Variants in AGO1 observed in about 807,000 individuals in gnomAD.
AGO1 encodes protein argonaute-1.
In AGO1, 11 loss-of-function variants were observed where a neutral mutation model predicts 109.2. The observed-to-expected ratio is 0.10, with a 90% CI of 0.06 to 0.17. The LOEUF (loss-of-function observed/expected upper bound fraction) is 0.17. Ranked by LOEUF, AGO1 falls within the 10% of genes least tolerant of loss-of-function variation. The probability of loss-of-function intolerance (pLI) is 1.00; values close to 1 mark genes in which losing one functional copy is unlikely to be tolerated. For missense variants in AGO1, 574 were observed against 1,140.3 expected (o/e 0.50, Z 7.15); for synonymous variants, 422 against 418.6 (o/e 1.01, Z -0.10).
intron 8 of AGO1, among the ~76,000 whole-genome samples, chr1:35,900,915 T>A (rs72902972): frequency 0.16 from 23,874 of 150,680 alleles, 4,393 homozygotes; most frequent in East Asian, 0.69. Flanking sequence ...CTCAAAAAAA[T>A]AAATAAATAA....
Position 35,894,151 on chromosome 1 carries a change from G to C in AGO1, c.764G>C (p.Arg255Pro). ...CCCCTCACGGACTCTCAGCGCGTTC[G>C]CTTCACCAAGGAGATCAAGGGTGAG... ...PKPLTDSQRV[R>P]FTKEIKGLKV... Residue 255 changes from arginine (R) to proline (P), a missense_variant, in exon 6 of 19, where the codon CGC becomes CCC. Transcript: ENST00000373204. The C allele has an allele frequency of 6.3e-7, 1 of 1,576,648 alleles. No individual in the cohort carries two copies. Among genetic ancestry groups the C allele is most frequent in the Non-Finnish European group, 8.6e-7 (1 of 1,161,948 alleles).
At chr1:35,908,288 A>G (rs1413313228) in intron 12 of AGO1, among the ~76,000 whole-genome samples, 1 of 151,834 alleles carries the variant, frequency 6.6e-6, no homozygotes, top group Non-Finnish European at 1.5e-5. Flanking sequence ...ATTTTCTTCT[A>G]TCTCTCCTTA....
At position 35,922,055 on chromosome 1, in the gene AGO1, G is replaced by C. The variant is rs1347106387; in HGVS notation, c.*2448G>C. The C allele has an allele frequency of 1.3e-5, 2 of 152,664 alleles. No individual in the cohort carries two copies. The highest frequency in any genetic ancestry group is 4.8e-5 in the African/African-American group (2 of 41,438). The allele number at this position is 152,664 out of a possible 1,614,324, so 9.5% of individuals were successfully genotyped here. Reference sequence around the variant, plus strand: ...GGGCTAGGATCAGGGCACTATTCCTGGAGGGTCCAGTCATTCACCAGCATT... The same window carrying C: ...GGGCTAGGATCAGGGCACTATTCCTCGAGGGTCCAGTCATTCACCAGCATT... On this transcript the variant is annotated 3_prime_UTR_variant, in exon 19 of 19. Transcript: ENST00000373204.
At chr1:35,895,085 G>A (rs370160808) in intron 7 of AGO1, 37 bp from the exon 8 acceptor site, 1 of 1,583,294 alleles carries the variant, frequency 6.3e-7, no homozygotes. Context: ...CTGAATGCTG[G>A]GTTATGACAC....
intron 12 of AGO1, among the ~76,000 whole-genome samples, chr1:35,910,956 C>T (rs1645621480): frequency 6.6e-6 from 1 of 152,136 alleles, no homozygotes; most frequent in African/African-American, 2.4e-5. Flanking sequence ...ATCCCAGCTA[C>T]TCGGGAGGCT....
chr1:35,922,634 G>C lies in AGO1; in HGVS notation c.*3027G>C, dbSNP rs571445890. 1 of 153,126 alleles carries C rather than the reference G, an allele frequency of 6.5e-6. No individual in the cohort carries two copies. Among genetic ancestry groups the C allele is most frequent in the South Asian group, 2.1e-4 (1 of 4,848 alleles). 9.5% of individuals were successfully genotyped at this position (153,126 alleles called of 1,614,324 possible). Reference sequence around the variant, plus strand: ...TGCCTGCCTGCCTGCCTGCCTGTCTGCCTATGTGATGATGAAATCTCTGCA... The same window carrying C: ...TGCCTGCCTGCCTGCCTGCCTGTCTCCCTATGTGATGATGAAATCTCTGCA... On this transcript the variant is annotated 3_prime_UTR_variant, in exon 19 of 19. Transcript: ENST00000373204.
intron 11 of AGO1, among the ~76,000 whole-genome samples, chr1:35,904,936 G>A (rs1645491676): frequency 6.6e-6 from 1 of 152,158 alleles, no homozygotes; most frequent in African/African-American, 2.4e-5. Flanking sequence ...GTGCTATGGG[G>A]TTTGACAAAC....
chr1:35,870,481 C>T (rs1644940397), intron 1 of AGO1, among the ~76,000 whole-genome samples: 1 of 152,076 alleles, frequency 6.6e-6, no homozygotes, highest in Non-Finnish European at 1.5e-5. Context: ...GACGGGGTTT[C>T]ACCGTGTTAG....
At chr1:35,898,929 T>A (rs1300422208) in intron 8 of AGO1, among the ~76,000 whole-genome samples, 1 of 152,238 alleles carries the variant, frequency 6.6e-6, no homozygotes, top group Non-Finnish European at 1.5e-5. Flanking sequence ...TTTTAACCAT[T>A]TTTAAGTATA....
intron 1 of AGO1, among the ~76,000 whole-genome samples, chr1:35,886,672 C>T (rs186466109): frequency 1.3e-5 from 2 of 152,112 alleles, no homozygotes; most frequent in African/African-American, 2.4e-5. Context: ...TGGCTACACC[C>T]ACAAACGTGC....
chr1:35,871,973 G>A (rs765001783), intron 1 of AGO1, among the ~76,000 whole-genome samples: 1 of 150,766 alleles, frequency 6.6e-6, no homozygotes, highest in African/African-American at 2.4e-5. Flanking sequence ...GGGAGGCTGA[G>A]GCAGGAGAAT....
chr1:35,893,320 A>G lies in AGO1; in HGVS notation c.512+42A>G, dbSNP rs1410614676. On this transcript the variant is annotated intron_variant, in intron 4 of 18. Transcript: ENST00000373204. The surrounding 1 kb of genome is among the most constrained non-coding windows in gnomAD (Gnocchi z 5.6). ...GTATCTGGGCTACTAGTGTTGGCAG[A>G]ACTGCTGTCAGGGGAGGAGGGGGAG... 3 of 1,585,728 alleles carry G rather than the reference A, an allele frequency of 1.9e-6. No individual in the cohort carries two copies. The Admixed American group carries it at 5.2e-5, about 28-fold the overall frequency.
rs1381191391 is a variant in AGO1, at chr1:35,927,568, C to T, written c.*7961C>T. On this transcript the variant is annotated 3_prime_UTR_variant, in exon 19 of 19. Coordinates refer to ENST00000373204, the MANE Select transcript of AGO1 (RefSeq NM_012199.5). Reference sequence around the variant, plus strand: ...CCCTGGAAGCTCCAACAGATACGGCCTCATGGCTTTGCTAGAAATGGGTCA... The same window carrying T: ...CCCTGGAAGCTCCAACAGATACGGCTTCATGGCTTTGCTAGAAATGGGTCA... 1 of 152,212 alleles carries T rather than the reference C, an allele frequency of 6.6e-6. No homozygotes were observed. The highest frequency in any genetic ancestry group is 1.5e-5 in the Non-Finnish European group (1 of 68,052). 9.4% of individuals were successfully genotyped at this position (152,212 alleles called of 1,614,324 possible). A position where few individuals can be genotyped will look rare whatever the true frequency, so the allele number is the denominator to read the frequency against.
At position 35,918,405 on chromosome 1, in the gene AGO1, C is replaced by T. The variant is rs757155977; in HGVS notation, c.2247C>T (p.Cys749=). The change falls in exon 17 of 19, where the codon TGC becomes TGT. Residue 749 remains cysteine, a synonymous_variant. Coordinates refer to ENST00000373204, the MANE Select transcript of AGO1 (RefSeq NM_012199.5). ...THPFEFDFYL[C]SHAGIQGTSR... ...CATTTGAGTTTGACTTCTATCTGTG[C>T]AGCCACGCAGGCATCCAGGTAGCTG... 6 of 1,613,968 alleles carry T rather than the reference C, an allele frequency of 3.7e-6. No individual in the cohort carries two copies. Among genetic ancestry groups the T allele is most frequent in the Non-Finnish European group, 8.5e-7 (1 of 1,179,808 alleles).
At chr1:35,905,482 T>A (rs1416001486) in intron 11 of AGO1, among the ~76,000 whole-genome samples, 3 of 152,172 alleles carry the variant, frequency 2.0e-5, no homozygotes, top group African/African-American at 7.2e-5. Context: ...CATTCCTCCC[T>A]TCTTTTTTTG....
chr1:35,901,872 C>T lies in AGO1; in HGVS notation c.1141-76C>T, dbSNP rs1645422770. On this transcript the variant is annotated intron_variant, in intron 9 of 18. Transcript: ENST00000373204. The surrounding 1 kb of genome is among the most constrained non-coding windows in gnomAD (Gnocchi z 4.8). ...CCAACCCCAGCTTCTCCTTAGGGTT[C>T]TCTCCTTGATACCCAGAGGGTGAGC... 1.3e-6 allele frequency: 2 copies of T among 1,517,988 alleles called. No individual in the cohort carries two copies. The highest frequency in any genetic ancestry group is 1.3e-5 in the South Asian group (1 of 75,196). 94.0% of individuals were successfully genotyped at this position (1,517,988 alleles called of 1,614,324 possible).
chr1:35,892,043 A>C (rs1645230084), intron 2 of AGO1, among the ~76,000 whole-genome samples: 1 of 152,056 alleles, frequency 6.6e-6, no homozygotes, highest in East Asian at 1.9e-4. Flanking sequence ...ATACCCAGCT[A>C]ATTACAAACA....
rs754921891 is a variant in AGO1 at position 35,893,728 on chromosome 1, G to C, written c.567G>C (p.Pro189=). The change falls in exon 5 of 19, where the codon CCG becomes CCC. Residue 189 remains proline, a synonymous_variant. Coordinates refer to ENST00000373204, the MANE Select transcript of AGO1 (RefSeq NM_012199.5). This position sits in a 1 kb window ranked among gnomAD's most constrained non-coding sequence, Gnocchi z 5.6. Reference sequence around the variant, plus strand: ...CACCGCCTGAGGGCTACTACCACCCGCTGGGGGGTGGGCGCGAGGTCTGGT... The same window carrying C: ...CACCGCCTGAGGGCTACTACCACCCCCTGGGGGGTGGGCGCGAGGTCTGGT... ...FFSPPEGYYH[P]LGGGREVWFG... is the part of the protein sequence containing the mutation. 3.1e-6 allele frequency: 5 copies of C among 1,613,792 alleles called. No individual in the cohort carries two copies. The highest frequency in any genetic ancestry group is 4.2e-6 in the Non-Finnish European group (5 of 1,179,792).
intron 1 of AGO1, among the ~76,000 whole-genome samples, chr1:35,886,501 G>C (rs375411578): frequency 2.0e-5 from 3 of 152,076 alleles, no homozygotes; most frequent in Non-Finnish European, 2.9e-5. Flanking sequence ...GGAAGAGAAG[G>C]CTTTGAGGCT....
Sources: gnomAD v4.1 joint callset for allele counts (sites outside exome capture counted in the v4.1 genomes callset) on GRCh38, gnomAD v4.1.1 for gene constraint, Gnocchi (gnomAD v3.1) non-coding constraint, MANE v1.5 for transcripts, NCBI Gene and HGNC (gene_info 2026-07-23, HGNC 2026-07-21) for gene names.